Variants in GRM7 observed in about 807,000 individuals in gnomAD.
The protein encoded by GRM7 is metabotropic glutamate receptor 7.
A neutral mutation model predicts 84.5 loss-of-function variants in GRM7; 35 were observed. That is an observed-to-expected ratio of 0.41 (90% CI 0.32 to 0.55). GRM7 has a LOEUF of 0.55. Ranked by LOEUF, GRM7 falls within the 20% of genes least tolerant of loss-of-function variation. The pLI is 0.19. For synonymous variants in GRM7, 487 were observed against 455.1 expected (o/e 1.07, Z -0.89); for missense variants, 1,003 against 1,194.6 (o/e 0.84, Z 2.36).
chr3:7,470,341 A>C (rs1420705598), intron 7 of GRM7, among the ~76,000 whole-genome samples: 6 of 152,226 alleles, frequency 3.9e-5, no homozygotes. Context: ...CTTTCTTAAA[A>C]GGGTTGATAA....
chr3:6,900,629 G>A (rs1056006504), intron 1 of GRM7, among the ~76,000 whole-genome samples: 1 of 152,194 alleles, frequency 6.6e-6, no homozygotes, highest in Non-Finnish European at 1.5e-5. Context: ...TACAGAAAGA[G>A]AAGTCTACTA....
chr3:7,226,244 A>G (rs547978038), intron 2 of GRM7, among the ~76,000 whole-genome samples: 1 of 152,186 alleles, frequency 6.6e-6, no homozygotes, highest in Non-Finnish European at 1.5e-5. Context: ...AATTCAAGGC[A>G]AAACTGCAAG....
At chr3:7,343,201 C>T (rs1692725374) in intron 4 of GRM7, among the ~76,000 whole-genome samples, 2 of 151,958 alleles carry the variant, frequency 1.3e-5, no homozygotes, top group Admixed American at 6.6e-5. Flanking sequence ...GAGGTAATAG[C>T]AGTTTACAGA....
In GRM7 at chr3:7,359,138, A is replaced by C. The variant is rs7643399; in HGVS notation, c.1033+52486A>C. Among the ~76,000 whole-genome samples, 571 of 124,070 alleles carry C rather than the reference A, an allele frequency of 4.6e-3. 54 individuals are homozygous for C. Among genetic ancestry groups the C allele is most frequent in the African/African-American group, 0.017 (534 of 31,966 alleles). 81.4% of individuals were successfully genotyped at this position (124,070 alleles called of 152,430 possible). ...AAAAAAAAAAAAAAAGAAAAAAAGA[A>C]AGGAATTGCCTTAGGTCTAGGTCTA... On this transcript the variant is annotated intron_variant, in intron 4 of 9. Transcript: ENST00000357716.
At chr3:7,672,206 A>G (rs11710154) in intron 8 of GRM7, among the ~76,000 whole-genome samples, 55,639 of 152,004 alleles carry the variant, frequency 0.37, 11,113 homozygotes, top group Non-Finnish European at 0.45. Flanking sequence ...AAGAATCCCA[A>G]TTGCAAACAT....
chr3:7,676,316 T>G (rs1055544120), intron 8 of GRM7, among the ~76,000 whole-genome samples: 1 of 152,066 alleles, frequency 6.6e-6, no homozygotes, highest in Admixed American at 6.5e-5. Flanking sequence ...TGGGAGCAGG[T>G]CCCTGGGGAC....
In GRM7 at chr3:7,108,378, G is replaced by A. The variant is rs116081126; in HGVS notation, c.520-38074G>A. On this transcript the variant is annotated intron_variant, in intron 1 of 9. Coordinates refer to ENST00000357716, the MANE Select transcript of GRM7 (RefSeq NM_000844.4). ...CTTTGTGAAGAATTGGAATGGTACC[G>A]ATTTGTTATTGAACACAGGTCCACT... is the stretch of plus-strand genomic sequence containing the variant. 9.3e-3 allele frequency among the ~76,000 whole-genome samples: 1,415 copies of A among 152,098 alleles called. 18 individuals are homozygous for A. The highest frequency in any genetic ancestry group is 0.032 in the African/African-American group (1,319 of 41,506).
At chr3:7,552,657 C>T (rs1357246578) in intron 7 of GRM7, among the ~76,000 whole-genome samples, 2 of 152,214 alleles carry the variant, frequency 1.3e-5, no homozygotes, top group African/African-American at 4.8e-5. Flanking sequence ...TTGGGGCTTG[C>T]ACCCTCTGAA....
intron 1 of GRM7, among the ~76,000 whole-genome samples, chr3:7,028,003 T>C (rs888961063): frequency 2.0e-5 from 3 of 152,096 alleles, no homozygotes; most frequent in South Asian, 2.1e-4. Context: ...TAATGACTGA[T>C]AGTAAATCTT....
intron 1 of GRM7, among the ~76,000 whole-genome samples, chr3:6,898,760 G>T (rs1187770402): frequency 6.6e-6 from 1 of 151,532 alleles, no homozygotes; most frequent in Admixed American, 6.6e-5. Context: ...GATCACTTGA[G>T]CCCAGGAGCT....
intron 2 of GRM7, among the ~76,000 whole-genome samples, chr3:7,280,215 G>C (rs1257142981): frequency 3.9e-5 from 6 of 152,276 alleles, no homozygotes; most frequent in African/African-American, 1.4e-4. Context: ...GCAAAACTCA[G>C]TAAAAGGTAG....
At chr3:6,954,610 T>G (rs1205783361) in intron 1 of GRM7, among the ~76,000 whole-genome samples, 1 of 152,210 alleles carries the variant, frequency 6.6e-6, no homozygotes, top group Admixed American at 6.5e-5. Flanking sequence ...TTGAATTACT[T>G]ACTATTGATT....
chr3:6,889,339 G>A (rs560753692), intron 1 of GRM7, among the ~76,000 whole-genome samples: 26 of 152,196 alleles, frequency 1.7e-4, no homozygotes, highest in South Asian at 4.2e-4. Flanking sequence ...TCCAGTTTTC[G>A]TCCATTCAGT....
intron 1 of GRM7, chr3:6,892,802 A>G (rs1189244026): frequency 2.0e-5 from 3 of 152,106 alleles, no homozygotes; most frequent in Non-Finnish European, 4.4e-5. Flanking sequence ...ACTTCCCTCA[A>G]TGTCTTTGTT....
intron 7 of GRM7, among the ~76,000 whole-genome samples, chr3:7,541,612 T>C (rs1692886761): frequency 6.6e-6 from 1 of 152,166 alleles, no homozygotes; most frequent in Non-Finnish European, 1.5e-5. Flanking sequence ...GAAAACTGGC[T>C]CCAACATAAA....
chr3:7,138,921 G>A (rs1326653365), intron 1 of GRM7, among the ~76,000 whole-genome samples: 1 of 150,694 alleles, frequency 6.6e-6, no homozygotes, highest in Non-Finnish European at 1.5e-5. Flanking sequence ...AGATATTAAA[G>A]GCATACAATG....
At chr3:7,661,794 CAAAAAAAA>C (rs71043686) in intron 8 of GRM7, among the ~76,000 whole-genome samples, 724 of 28,204 alleles carry the variant, frequency 0.026, 19 homozygotes, top group Middle Eastern at 0.18. Flanking sequence ...GTCTCCGTCT[CAAAAAAAA>C]AAAAAAAAAA....
intron 4 of GRM7, among the ~76,000 whole-genome samples, chr3:7,396,743 A>G (rs1220448362): frequency 6.6e-6 from 1 of 152,114 alleles, no homozygotes; most frequent in Non-Finnish European, 1.5e-5. Flanking sequence ...CTCTTTGTGC[A>G]TGTTATCTGA....
chr3:6,873,364 T>A (rs1477460328), intron 1 of GRM7, among the ~76,000 whole-genome samples: 1 of 152,158 alleles, frequency 6.6e-6, no homozygotes, highest in Non-Finnish European at 1.5e-5. Context: ...TGAGCCACCT[T>A]GGCCAGCCAG....
Sources: allele counts gnomAD v4.1 joint callset (sites outside exome capture counted in the v4.1 genomes callset), GRCh38; gene constraint gnomAD v4.1.1; transcripts MANE v1.5; gene names NCBI Gene and HGNC (gene_info 2026-07-23, HGNC 2026-07-21).